The following COL26A1 variants were observed in gnomAD, a reference collection of about 807,000 sequenced individuals.
COL26A1 encodes the protein collagen alpha-1(XXVI) chain.
A neutral mutation model predicts 59.3 loss-of-function variants in COL26A1; 41 were observed. The ratio of observed to expected loss-of-function variants is 0.69; its 90% confidence interval spans 0.54 to 0.90. COL26A1 has a LOEUF of 0.90. COL26A1 is among the 40% of genes least tolerant of loss of function. The pLI is 0.00. For synonymous variants in COL26A1, 266 were observed against 256.0 expected (o/e 1.04, Z -0.37); for missense variants, 612 against 602.3 (o/e 1.02, Z -0.17).
At chr7:101,552,925 A>C (rs1233798419) in intron 10 of COL26A1, among the ~76,000 whole-genome samples, 2 of 152,164 alleles carry the variant, frequency 1.3e-5, no homozygotes, top group African/African-American at 2.4e-5. Context: ...TAAATAAATA[A>C]AATACAATAA....
Position 101,374,424 on chromosome 7 carries a change from G to A in COL26A1, c.158+11234G>A, listed in dbSNP as rs895188059. 3.9e-5 allele frequency among the ~76,000 whole-genome samples: 6 copies of A among 152,168 alleles called. No homozygotes were observed. In the South Asian group the frequency reaches 6.2e-4, roughly 16 times the overall value. ...CAAGACCAGTTCAAGGAACCGGGCC[G>A]CACAGCAGGAGGTGAGTGATAGGCG... On this transcript the variant is annotated intron_variant, in intron 1 of 12. Transcript: ENST00000313669.
intron 2 of COL26A1, among the ~76,000 whole-genome samples, chr7:101,424,392 G>A (rs994787597): frequency 1.3e-5 from 2 of 152,082 alleles, no homozygotes; most frequent in Admixed American, 1.3e-4. Flanking sequence ...GAGGTCAGGA[G>A]TTTGAGACCA....
chr7:101,444,213 C>A (rs1466752136), intron 2 of COL26A1, among the ~76,000 whole-genome samples: 1 of 151,842 alleles, frequency 6.6e-6, no homozygotes, highest in Non-Finnish European at 1.5e-5. Context: ...GTGTCTCGCT[C>A]TTCTCAGGAT....
intron 12 of COL26A1, among the ~76,000 whole-genome samples, chr7:101,556,934 T>C (rs980826415): frequency 6.6e-6 from 1 of 151,238 alleles, no homozygotes; most frequent in African/African-American, 2.4e-5. Context: ...GATGGATAGA[T>C]GCATAGATGA....
chr7:101,444,349 G>C (rs1481115241), intron 2 of COL26A1, among the ~76,000 whole-genome samples: 1 of 151,560 alleles, frequency 6.6e-6, no homozygotes, highest in African/African-American at 2.4e-5. Flanking sequence ...GGTCAGAGTA[G>C]ATGATAGTTG....
chr7:101,511,854 A>T (rs1371320860), intron 3 of COL26A1, among the ~76,000 whole-genome samples: 1 of 152,154 alleles, frequency 6.6e-6, no homozygotes, highest in Non-Finnish European at 1.5e-5. Context: ...TTAGCTGGGC[A>T]TGGTGGTGCA....
At chr7:101,380,443 C>T (rs1791420586) in intron 1 of COL26A1, among the ~76,000 whole-genome samples, 1 of 152,020 alleles carries the variant, frequency 6.6e-6, no homozygotes, top group African/African-American at 2.4e-5. Context: ...TACAGGCACG[C>T]ACTACCACGC....
intron 1 of COL26A1, chr7:101,389,091 C>G: frequency 5.6e-6 from 1 of 179,324 alleles, no homozygotes; most frequent in Non-Finnish European, 1.2e-5. Context: ...CAGTATCCGT[C>G]TTAACATTTT....
chr7:101,407,629 A>G (rs150395988), intron 1 of COL26A1, among the ~76,000 whole-genome samples: 2,434 of 151,758 alleles, frequency 0.016, 54 homozygotes, highest in Non-Finnish European at 0.019. Flanking sequence ...GAGGTAGGAG[A>G]TGGGATTTGA....
At chr7:101,551,347 G>T (rs1032094212) in intron 10 of COL26A1, among the ~76,000 whole-genome samples, 4 of 152,190 alleles carry the variant, frequency 2.6e-5, no homozygotes, top group Admixed American at 6.5e-5. Context: ...CAGAGAGTGC[G>T]CTGACAGTCC....
intron 1 of COL26A1, among the ~76,000 whole-genome samples, chr7:101,381,916 T>C (rs1477793450): frequency 1.3e-5 from 2 of 152,134 alleles, no homozygotes; most frequent in Non-Finnish European, 1.5e-5. Context: ...CCTTGGAGGG[T>C]TGCACTGATC....
chr7:101,460,199 G>T (rs931914871), intron 3 of COL26A1, among the ~76,000 whole-genome samples: 3 of 152,142 alleles, frequency 2.0e-5, no homozygotes, highest in Admixed American at 2.0e-4. Context: ...GGGCTCCCAG[G>T]TGTGCTGTGT....
intron 3 of COL26A1, among the ~76,000 whole-genome samples, chr7:101,475,870 T>TTC (rs1267560941): frequency 1.2e-5 from 1 of 83,730 alleles, no homozygotes; most frequent in African/African-American, 3.4e-5. Context: ...TTCTCTCTCT[T>TTC]TCTTTCTCTT....
chr7:101,453,014 G>A (rs1318292601), intron 3 of COL26A1, among the ~76,000 whole-genome samples: 1 of 152,136 alleles, frequency 6.6e-6, no homozygotes, highest in East Asian at 1.9e-4. Flanking sequence ...GCCTCCCAAA[G>A]TGTTGGGATT....
At chr7:101,499,386 A>G (rs981262124) in intron 3 of COL26A1, among the ~76,000 whole-genome samples, 3 of 151,998 alleles carry the variant, frequency 2.0e-5, no homozygotes, top group African/African-American at 7.3e-5. Context: ...TACAAAATAT[A>G]TAAAAATTAG....
intron 1 of COL26A1, among the ~76,000 whole-genome samples, chr7:101,392,857 G>C (rs1004585734): frequency 1.1e-4 from 17 of 152,128 alleles, no homozygotes; most frequent in African/African-American, 3.9e-4. Flanking sequence ...GGCTTGCCAC[G>C]GGTGGGACGC....
At chr7:101,425,106 G>T (rs1000320651) in intron 2 of COL26A1, among the ~76,000 whole-genome samples, 3 of 147,496 alleles carry the variant, frequency 2.0e-5, no homozygotes, top group Non-Finnish European at 3.1e-5. Flanking sequence ...AAAAATTTTG[G>T]CCAGGCGCGG....
chr7:101,414,228 G>A (rs1792315563), intron 1 of COL26A1, among the ~76,000 whole-genome samples: 1 of 152,130 alleles, frequency 6.6e-6, no homozygotes, highest in Non-Finnish European at 1.5e-5. Context: ...ACGGTGATTT[G>A]AGGTATTTGG....
intron 3 of COL26A1, among the ~76,000 whole-genome samples, chr7:101,459,529 C>T (rs1346354810): frequency 2.1e-5 from 3 of 144,990 alleles, no homozygotes; most frequent in African/African-American, 5.2e-5. Flanking sequence ...AGGATGGTCT[C>T]GATCTCCTGA....
Sources: allele counts gnomAD v4.1 joint callset (sites outside exome capture counted in the v4.1 genomes callset), GRCh38; gene constraint gnomAD v4.1.1; transcripts MANE v1.5; gene names NCBI Gene and HGNC (gene_info 2026-07-23, HGNC 2026-07-21).